TENM3: variants seen among roughly 807,000 people sequenced by gnomAD.
The protein encoded by TENM3 is teneurin transmembrane protein 3, also known as teneurin-3.
A neutral mutation model predicts 255.1 loss-of-function variants in TENM3; 63 were observed. The ratio of observed to expected loss-of-function variants is 0.25; its 90% CI spans 0.20 to 0.30. TENM3 has a LOEUF of 0.30. Among genes scored for constraint, TENM3 ranks in the 10% least tolerant of loss-of-function variants. The pLI is 1.00. For synonymous variants in TENM3, 1,306 were observed against 1,322.3 expected (o/e 0.99, Z 0.27); for missense variants, 2,929 against 3,461.1 (o/e 0.85, Z 3.86).
chr4:182,569,003 T>C (rs1316341200), intron 3 of TENM3, among the ~76,000 whole-genome samples: 1 of 152,146 alleles, frequency 6.6e-6, no homozygotes, highest in Non-Finnish European at 1.5e-5. Context: ...AGGAAGGGAA[T>C]TGTCTGGAAA....
At chr4:181,481,197 G>C in the TENM3 span, among the ~76,000 whole-genome samples, 1 of 151,396 alleles carries the variant, frequency 6.6e-6, no homozygotes, top group African/African-American at 2.4e-5. Context: ...AATATCAGAA[G>C]TAATACAATC....
At chr4:181,633,599 G>C in the TENM3 span, among the ~76,000 whole-genome samples, 2 of 152,140 alleles carry the variant, frequency 1.3e-5, no homozygotes, top group Non-Finnish European at 2.9e-5. Flanking sequence ...TAATCTAAAA[G>C]ATGTCTCTTC....
chr4:181,487,939 C>T, the TENM3 span, among the ~76,000 whole-genome samples: 1 of 152,176 alleles, frequency 6.6e-6, no homozygotes, highest in South Asian at 2.1e-4. Context: ...GCTTCCAAAA[C>T]TCTAGAGGTA....
In TENM3 at chr4:182,385,368, G is replaced by T. The variant is rs1215010320; in HGVS notation, c.511+38439G>T. ...CAACCTCTGCCTCCCAGATTCAAGC[G>T]ATTCTCCTGTCTCAGCCTCCTGTGT... is the stretch of plus-strand genomic sequence containing the variant. On this transcript the variant is annotated intron_variant, in intron 3 of 27. Transcript: ENST00000511685. 2.1e-5 allele frequency among the ~76,000 whole-genome samples: 3 copies of T among 144,070 alleles called. No individual in the cohort carries two copies. The Admixed American group carries it at 2.2e-4, about 11-fold the overall frequency. The allele number at this position is 144,070 out of a possible 152,430, so 94.5% of individuals were successfully genotyped here. A position where few individuals can be genotyped will look rare whatever the true frequency, so the allele number is the denominator to read the frequency against.
At chr4:181,455,561 G>A in the TENM3 span, among the ~76,000 whole-genome samples, 196 of 152,012 alleles carry the variant, frequency 1.3e-3, no homozygotes, top group African/African-American at 4.4e-3. Context: ...GAGTCCAATA[G>A]GAAACCAATC....
intron 4 of TENM3, among the ~76,000 whole-genome samples, chr4:182,623,203 C>T (rs898517273): frequency 2.0e-5 from 3 of 151,526 alleles, no homozygotes; most frequent in East Asian, 1.9e-4. Flanking sequence ...TTAGTAGAGA[C>T]GGGGTTTCAC....
At chr4:181,472,254 A>T in the TENM3 span, among the ~76,000 whole-genome samples, 1 of 152,194 alleles carries the variant, frequency 6.6e-6, no homozygotes, top group African/African-American at 2.4e-5. Flanking sequence ...CTGTTTGACA[A>T]TGCTTGAGAG....
At chr4:181,967,458 T>C in the TENM3 span, among the ~76,000 whole-genome samples, 1 of 152,244 alleles carries the variant, frequency 6.6e-6, no homozygotes, top group Admixed American at 6.5e-5. Flanking sequence ...TTAATTTTTT[T>C]TGGAAATGTC....
Position 182,384,873 on chromosome 4 carries a change from C to T in TENM3, c.511+37944C>T, listed in dbSNP as rs576039627. Among the ~76,000 whole-genome samples, 5 of 152,126 alleles carry T rather than the reference C, an allele frequency of 3.3e-5. No individual in the cohort carries two copies. The South Asian group carries it at 6.2e-4, about 19-fold the overall frequency. Reference sequence around the variant, plus strand: ...CCGTATTTGGCTACAGTGTTTAAAACGAGTATTAAGTCTGGAAGCTGAATA... The same window carrying T: ...CCGTATTTGGCTACAGTGTTTAAAATGAGTATTAAGTCTGGAAGCTGAATA... On this transcript the variant is annotated intron_variant, in intron 3 of 27. Coordinates refer to ENST00000511685, the MANE Select transcript of TENM3 (RefSeq NM_001080477.4).
At chr4:182,596,123 C>T (rs1747191403) in intron 3 of TENM3, among the ~76,000 whole-genome samples, 1 of 152,018 alleles carries the variant, frequency 6.6e-6, no homozygotes, top group African/African-American at 2.4e-5. Flanking sequence ...GTGAAAGTAC[C>T]AGAAGATCCA....
the TENM3 span, among the ~76,000 whole-genome samples, chr4:181,972,978 G>A: frequency 2.0e-5 from 3 of 152,212 alleles, no homozygotes; most frequent in South Asian, 4.1e-4. Context: ...AGACCTTGAG[G>A]TATGAATCTA....
At chr4:182,145,184 C>G (rs998945017) in intron 1 of TENM3, 3 of 152,256 alleles carry the variant, frequency 2.0e-5, no homozygotes, top group African/African-American at 7.2e-5. Flanking sequence ...GGGCTTCCAG[C>G]GAGCGGAAAG....
chr4:182,100,480 CACATAT>C, the TENM3 span, among the ~76,000 whole-genome samples: 2 of 138,994 alleles, frequency 1.4e-5, no homozygotes, highest in Non-Finnish European at 3.1e-5. Context: ...CACACACACA[CACATAT>C]ATATATATAC....
the TENM3 span, among the ~76,000 whole-genome samples, chr4:181,643,820 T>C: frequency 6.6e-6 from 1 of 152,154 alleles, no homozygotes; most frequent in Non-Finnish European, 1.5e-5. Flanking sequence ...CTCACACCTT[T>C]AATCCCAGCA....
chr4:182,038,444 C>T, the TENM3 span, among the ~76,000 whole-genome samples: 1 of 152,108 alleles, frequency 6.6e-6, no homozygotes, highest in Admixed American at 6.5e-5. Context: ...TATTTCCTGC[C>T]CATTTTAAAG....
At chr4:181,995,732 T>C in the TENM3 span, among the ~76,000 whole-genome samples, 1 of 152,200 alleles carries the variant, frequency 6.6e-6, no homozygotes, top group Non-Finnish European at 1.5e-5. Context: ...ATTTTATGCC[T>C]ACTTATAATC....
chr4:182,757,986 A>G (rs1762858246), intron 22 of TENM3, among the ~76,000 whole-genome samples: 1 of 152,172 alleles, frequency 6.6e-6, no homozygotes. Flanking sequence ...ATATATATCC[A>G]TATATATAAA....
the TENM3 span, among the ~76,000 whole-genome samples, chr4:181,691,321 CAT>C: frequency 6.6e-6 from 1 of 151,094 alleles, no homozygotes; most frequent in South Asian, 2.1e-4. Context: ...TACACAAACT[CAT>C]ATACATAAGC....
the TENM3 span, among the ~76,000 whole-genome samples, chr4:181,686,358 C>T: frequency 1.3e-5 from 2 of 152,156 alleles, no homozygotes. Flanking sequence ...GTGATGTAAG[C>T]AGTGCCACTT....
Sources: gnomAD v4.1 joint callset for allele counts (sites outside exome capture counted in the v4.1 genomes callset) on GRCh38, gnomAD v4.1.1 for gene constraint, MANE v1.5 for transcripts, NCBI Gene and HGNC (gene_info 2026-07-23, HGNC 2026-07-21) for gene names.